Variants in ACTL6B observed in about 807,000 individuals in gnomAD.
ACTL6B encodes actin like 6B.
A neutral mutation model predicts 63.3 loss-of-function variants in ACTL6B; 48 were observed. The observed-to-expected ratio is 0.76, with a 90% CI of 0.60 to 0.96. The LOEUF is 0.96. ACTL6B is among the 50% of genes least tolerant of loss of function. The pLI, the probability that ACTL6B is intolerant of heterozygous loss-of-function variation, is 0.00. For missense variants in ACTL6B, 350 were observed against 572.2 expected (o/e 0.61, Z 3.96); for synonymous variants, 230 against 223.8 (o/e 1.03, Z -0.25).
intron 13 of ACTL6B, among the ~76,000 whole-genome samples, chr7:100,643,805 G>A (rs974589783): frequency 2.0e-5 from 3 of 152,130 alleles, no homozygotes; most frequent in East Asian, 1.9e-4. Flanking sequence ...TGCAGCCTTC[G>A]GCATTACAAC....
Position 100,647,558 on chromosome 7 carries a change from C to T in ACTL6B, c.670-25G>A. On this transcript the variant is annotated intron_variant, in intron 7 of 13. Transcript: ENST00000160382. The surrounding 1 kb of genome is among the most constrained non-coding windows in gnomAD (Gnocchi z 4.4). The stretch of plus-strand genomic sequence containing the variant: ...CCTGTGGGGGCACAGTGTAGGAACA[C>T]CCTTTCCTAGCCCACCTGACCCCCA... 1 of 1,528,358 alleles carries T rather than the reference C, an allele frequency of 6.5e-7. No homozygotes were observed. 94.7% of individuals were successfully genotyped at this position (1,528,358 alleles called of 1,614,324 possible). A position where few individuals can be genotyped will look rare whatever the true frequency, so the allele number is the denominator to read the frequency against.
At chr7:100,651,409 G>A (rs1803937644) in intron 4 of ACTL6B, among the ~76,000 whole-genome samples, 1 of 151,988 alleles carries the variant, frequency 6.6e-6, no homozygotes, top group Non-Finnish European at 1.5e-5. Flanking sequence ...AAATTAGCCA[G>A]GTGTGATGGG....
chr7:100,652,809 C>T lies in ACTL6B; in HGVS notation c.369+2210G>A, dbSNP rs550580583. Among the ~76,000 whole-genome samples, 13 of 150,542 alleles carry T rather than the reference C, an allele frequency of 8.6e-5. No homozygotes were observed. The East Asian group carries it at 1.6e-3, about 18-fold the overall frequency. ...CGAGGTCAAGAGATCGAGACCATCC[C>T]GGCCAACATGGTGAAACCCCGTCTC... On this transcript the variant is annotated intron_variant, in intron 4 of 13. Coordinates refer to ENST00000160382, the MANE Select transcript of ACTL6B (RefSeq NM_016188.5).
chr7:100,654,554 G>A (rs1428998738), intron 4 of ACTL6B, among the ~76,000 whole-genome samples: 1 of 151,684 alleles, frequency 6.6e-6, no homozygotes, highest in Non-Finnish European at 1.5e-5. Flanking sequence ...GCCAAGGCGG[G>A]TGGATCACCT....
rs774118514 is a variant in ACTL6B, at chr7:100,646,948, C to T, written c.936+23G>A. ...CAGGGACTGCAGCCAGCACCCACCC[C>T]AGTCCTCGCCACACAGCCAAACCTT... On this transcript the variant is annotated intron_variant, in intron 10 of 13. Transcript: ENST00000160382. This position sits in a 1 kb window ranked among gnomAD's most constrained non-coding sequence, Gnocchi z 6.1. 1 of 1,612,436 alleles carries T rather than the reference C, an allele frequency of 6.2e-7. No homozygotes were observed.
At chr7:100,650,866 A>G (rs1803928483) in intron 4 of ACTL6B, among the ~76,000 whole-genome samples, 2 of 152,200 alleles carry the variant, frequency 1.3e-5, no homozygotes, top group African/African-American at 2.4e-5. Context: ...ACAAAATCCA[A>G]TAACAGAAAA....
At chr7:100,656,092 C>A (rs2131339889) in intron 1 of ACTL6B, among the ~76,000 whole-genome samples, 1 of 152,360 alleles carries the variant, frequency 6.6e-6, no homozygotes, top group African/African-American at 2.4e-5. Flanking sequence ...TTGCTCAGGG[C>A]ACCCTCCCGA....
Position 100,648,382 on chromosome 7 carries a change from T to C in ACTL6B, c.669+174A>G. The C allele has an allele frequency of 1.7e-6, 1 of 589,388 alleles. No homozygotes were observed. The highest frequency in any genetic ancestry group is 2.9e-6 in the Non-Finnish European group (1 of 343,016). The allele number at this position is 589,388 out of a possible 1,614,324, so 36.5% of individuals were successfully genotyped here. A position where few individuals can be genotyped will look rare whatever the true frequency, so the allele number is the denominator to read the frequency against. ...CAGCTGGTTTCATGACCTCAGCATA[T>C]CCCTCAGCCTGTCTGGATTTCGGAT... is the stretch of plus-strand genomic sequence containing the variant. On this transcript the variant is annotated intron_variant, in intron 7 of 13. Coordinates refer to ENST00000160382, the MANE Select transcript of ACTL6B (RefSeq NM_016188.5). This position sits in a 1 kb window ranked among gnomAD's most constrained non-coding sequence, Gnocchi z 4.4.
At chr7:100,649,348 G>A (rs1259264107) in intron 5 of ACTL6B, among the ~76,000 whole-genome samples, 1 of 143,444 alleles carries the variant, frequency 7.0e-6, no homozygotes, top group Non-Finnish European at 1.5e-5. Context: ...TCGTTTTGTC[G>A]CCCAGGCTGG....
chr7:100,652,078 C>G (rs1803949655), intron 4 of ACTL6B, among the ~76,000 whole-genome samples: 1 of 152,070 alleles, frequency 6.6e-6, no homozygotes, highest in East Asian at 1.9e-4. Context: ...GGTCAGTGGG[C>G]TCCTGAAGAA....
intron 13 of ACTL6B, among the ~76,000 whole-genome samples, chr7:100,643,726 G>T (rs1301924522): frequency 6.6e-6 from 1 of 151,876 alleles, no homozygotes; most frequent in Admixed American, 6.6e-5. Context: ...TTGGAACACC[G>T]CCAGTCTCCC....
At chr7:100,654,939 G>A in intron 4 of ACTL6B, 80 bp downstream of exon 4, 6 of 1,213,860 alleles carry the variant, frequency 4.9e-6, no homozygotes, top group South Asian at 1.3e-5. Flanking sequence ...GTGGCTTGAG[G>A]GGAGAGGAGG....
chr7:100,646,739 G>A lies in ACTL6B; in HGVS notation c.1017+12C>T, dbSNP rs200773630. The A allele has an allele frequency of 4.1e-5, 66 of 1,613,596 alleles. No homozygotes were observed. Among genetic ancestry groups the A allele is most frequent in the Non-Finnish European group, 4.8e-5 (57 of 1,179,992 alleles). ...GCCCCTTTGCCGAGCCTCAGCTCCG[G>A]CCTGGCCTCACCGGGCGAATATCAA... On this transcript the variant is annotated intron_variant, in intron 11 of 13. Transcript: ENST00000160382. This position sits in a 1 kb window ranked among gnomAD's most constrained non-coding sequence, Gnocchi z 6.1.
intron 4 of ACTL6B, among the ~76,000 whole-genome samples, chr7:100,654,309 G>A (rs1309704722): frequency 1.3e-5 from 2 of 150,964 alleles, no homozygotes; most frequent in East Asian, 3.9e-4. Flanking sequence ...TAAAAGAGAC[G>A]GGTCTTGCCA....
chr7:100,650,036 A>T lies in ACTL6B; in HGVS notation c.467+2T>A, dbSNP rs1170179317. 4 of 1,613,480 alleles carry T rather than the reference A, an allele frequency of 2.5e-6. No individual in the cohort carries two copies. Among genetic ancestry groups the T allele is most frequent in the Admixed American group, 1.7e-5 (1 of 59,998 alleles). On this transcript the variant is annotated splice_donor_variant, in intron 5 of 13. Coordinates refer to ENST00000160382, the MANE Select transcript of ACTL6B (RefSeq NM_016188.5). LOFTEE classifies it high-confidence loss of function. The stretch of plus-strand genomic sequence containing the variant: ...GTCAGAGCAGCTCAGTCCAGAGGAT[A>T]CGCGGTGAGCACAGCCGTCTTGCAT...
At chr7:100,643,382 G>C in intron 13 of ACTL6B, 56 bp from the exon 14 acceptor site, 1 of 1,582,860 alleles carries the variant, frequency 6.3e-7, no homozygotes, top group East Asian at 2.2e-5. Flanking sequence ...GGTGTGGACA[G>C]GCAGGTGCAG....
In ACTL6B at chr7:100,647,013, T is replaced by A. The variant is rs1475834658; in HGVS notation, c.894A>T (p.Arg298=). The A allele has an allele frequency of 1.2e-6, 2 of 1,612,944 alleles. No homozygotes were observed. Among genetic ancestry groups the A allele is most frequent in the South Asian group, 2.2e-5 (2 of 91,030 alleles). Residue 298 remains arginine, a synonymous_variant, in exon 10 of 14, where the codon CGA becomes CGT. Coordinates refer to ENST00000160382, the MANE Select transcript of ACTL6B (RefSeq NM_016188.5). This position sits in a 1 kb window ranked among gnomAD's most constrained non-coding sequence, Gnocchi z 4.4. The part of the protein sequence containing the change: ...NGYNTDYGAE[R]LRIPEGLFDP... ...CAAACAGGCCCTCAGGGATGCGGAG[T>A]CGCTCGGCGCCGTAGTCTGTATTGT... is the stretch of plus-strand genomic sequence containing the variant.
In ACTL6B at chr7:100,643,212, G is replaced by A; in HGVS notation, c.*34C>T. 1 of 1,609,084 alleles carries A rather than the reference G, an allele frequency of 6.2e-7. No individual in the cohort carries two copies. The highest frequency in any genetic ancestry group is 8.5e-7 in the Non-Finnish European group (1 of 1,175,768). On this transcript the variant is annotated 3_prime_UTR_variant, in exon 14 of 14. Coordinates refer to ENST00000160382, the MANE Select transcript of ACTL6B (RefSeq NM_016188.5). The stretch of plus-strand genomic sequence containing the variant: ...CATGGGGGTTAAGGGACTTCCATCT[G>A]AGCTTGGGAGCAGGTGTGTGGGGAG...
chr7:100,653,617 G>T (rs1194099318), intron 4 of ACTL6B, among the ~76,000 whole-genome samples: 7 of 152,222 alleles, frequency 4.6e-5, no homozygotes, highest in South Asian at 2.1e-4. Context: ...AATCCAACCT[G>T]GGTGACAAAC....
Sources: gnomAD v4.1 joint callset for allele counts (sites outside exome capture counted in the v4.1 genomes callset) on GRCh38, gnomAD v4.1.1 for gene constraint, Gnocchi (gnomAD v3.1) non-coding constraint, MANE v1.5 for transcripts, NCBI Gene and HGNC (gene_info 2026-07-23, HGNC 2026-07-21) for gene names.